SLIT2: variants seen among roughly 807,000 people sequenced by gnomAD.
The protein encoded by SLIT2 is slit homolog 2 protein.
In SLIT2, 41 loss-of-function variants were observed where a neutral mutation model predicts 185.7. That is an observed-to-expected ratio of 0.22 (90% CI 0.17 to 0.29). SLIT2 has a LOEUF of 0.29. Ranked by LOEUF, SLIT2 falls within the 10% of genes least tolerant of loss-of-function variation. The pLI is 1.00. For synonymous variants in SLIT2, 693 were observed against 680.2 expected, an observed-to-expected ratio of 1.02 and a Z score of -0.29; for missense variants, 1,571 against 1,909.0, an observed-to-expected ratio of 0.82 and a Z score of 3.30.
rs138960862 is a variant in SLIT2, at chr4:20,485,169, C to T, written c.540-1031C>T. 6.7e-3 allele frequency among the ~76,000 whole-genome samples: 1,020 copies of T among 152,212 alleles called. 7 individuals are homozygous for T. The highest frequency in any genetic ancestry group is 0.014 in the Middle Eastern group (4 of 294). On this transcript the variant is annotated intron_variant, in intron 6 of 36. Transcript: ENST00000504154. ...GTCTACACTTTACTTGTATACCCCC[C>T]GGGATAACTTCTACCACTTTCTTAT...
intron 3 of SLIT2, among the ~76,000 whole-genome samples, chr4:20,261,872 G>A (rs1165961223): frequency 2.0e-5 from 3 of 151,724 alleles, no homozygotes; most frequent in African/African-American, 7.3e-5. Flanking sequence ...CATGTGGAGT[G>A]TTCATCTTTT....
intron 5 of SLIT2, among the ~76,000 whole-genome samples, chr4:20,472,540 C>A (rs13353652): frequency 0.013 from 119 of 9,458 alleles, 29 homozygotes; most frequent in Admixed American, 0.033. Context: ...ATAGATATAT[C>A]TATATCTATA....
At chr4:20,507,569 A>G (rs1719325753) in intron 9 of SLIT2, among the ~76,000 whole-genome samples, 1 of 151,778 alleles carries the variant, frequency 6.6e-6, no homozygotes, top group Non-Finnish European at 1.5e-5. Flanking sequence ...AACTTTCACA[A>G]ATGTATGAAC....
At chr4:20,333,353 A>T (rs564945955) in intron 4 of SLIT2, among the ~76,000 whole-genome samples, 2 of 152,342 alleles carry the variant, frequency 1.3e-5, no homozygotes, top group Admixed American at 1.3e-4. Context: ...ATCTCAAGAT[A>T]GAATTCAATT....
intron 4 of SLIT2, among the ~76,000 whole-genome samples, chr4:20,277,245 G>T (rs1287976886): frequency 1.3e-5 from 2 of 152,064 alleles, no homozygotes; most frequent in African/African-American, 4.8e-5. Flanking sequence ...AGCTTTTATT[G>T]TTGGTTTCCT....
chr4:20,441,308 T>C (rs934348738), intron 4 of SLIT2, among the ~76,000 whole-genome samples: 2 of 152,224 alleles, frequency 1.3e-5, no homozygotes, highest in Admixed American at 1.3e-4. Flanking sequence ...TACTGTTTTC[T>C]TAACATCAAA....
chr4:20,308,422 T>G (rs1466162662), intron 4 of SLIT2, among the ~76,000 whole-genome samples: 1 of 152,188 alleles, frequency 6.6e-6, no homozygotes, highest in Non-Finnish European at 1.5e-5. Flanking sequence ...GAGAAGTGAT[T>G]TATACTGCAG....
intron 4 of SLIT2, among the ~76,000 whole-genome samples, chr4:20,452,941 C>G (rs961641026): frequency 1.3e-5 from 2 of 152,118 alleles, no homozygotes; most frequent in African/African-American, 4.8e-5. Flanking sequence ...AATTTAAAAC[C>G]AGAAGTTGCC....
At chr4:20,473,264 T>C (rs983967679) in intron 5 of SLIT2, among the ~76,000 whole-genome samples, 2 of 151,982 alleles carry the variant, frequency 1.3e-5, no homozygotes, top group African/African-American at 2.4e-5. Context: ...TCATGAGTCT[T>C]ATAATCCTTT....
chr4:20,568,206 A>T (rs1725264718), intron 28 of SLIT2, among the ~76,000 whole-genome samples: 1 of 152,078 alleles, frequency 6.6e-6, no homozygotes, highest in African/African-American at 2.4e-5. Flanking sequence ...TATACTACTA[A>T]AACTTGTTAG....
At chr4:20,482,630 A>C (rs1264224185) in intron 6 of SLIT2, among the ~76,000 whole-genome samples, 5 of 151,986 alleles carry the variant, frequency 3.3e-5, no homozygotes, top group Admixed American at 3.3e-4. Flanking sequence ...GGTTCATGGA[A>C]TTAAAATAGA....
At chr4:20,519,055 C>G (rs949388938) in intron 11 of SLIT2, among the ~76,000 whole-genome samples, 1 of 152,056 alleles carries the variant, frequency 6.6e-6, no homozygotes, top group African/African-American at 2.4e-5. Flanking sequence ...ATAGTGTGCT[C>G]TCATTACATA....
chr4:20,617,453 C>G lies in SLIT2; in HGVS notation c.4151C>G (p.Thr1384Ser). ...PCLGNKCVHGTCLPINAFSYS... is the reference protein window; with the variant it reads ...PCLGNKCVHGSCLPINAFSYS... ...CCTCCCTGTAGATGCGTACATGGCACCTGCTTGCCCATCAATGCGTTCTCC... is the reference window on the plus strand; with the variant it reads ...CCTCCCTGTAGATGCGTACATGGCAGCTGCTTGCCCATCAATGCGTTCTCC... Residue 1384 changes from threonine (T) to serine (S), a missense_variant, in exon 36 of 37, where the codon ACC (threonine) becomes AGC (serine). Physicochemically the swap from Thr to Ser is moderately conservative, Grantham distance 58 (BLOSUM62 1). Coordinates refer to ENST00000504154, the MANE Select transcript of SLIT2 (RefSeq NM_004787.4). 6.2e-7 allele frequency: 1 copy of G among 1,614,098 alleles called. No homozygotes were observed. Among genetic ancestry groups the G allele is most frequent in the Non-Finnish European group, 8.5e-7 (1 of 1,179,986 alleles).
At position 20,548,516 on chromosome 4, in the gene SLIT2, C is replaced by T; in HGVS notation, c.2374C>T (p.Leu792Phe). 1 of 1,606,222 alleles carries T rather than the reference C, an allele frequency of 6.2e-7. No homozygotes were observed. The change falls in exon 23 of 37, where the codon CTT becomes TTT. Residue 792 changes from leucine (L) to phenylalanine (F), a missense_variant. This residue lies in a region of SLIT2 where 1,202 missense variants were observed against 1,416.4 expected (regional missense o/e 0.85). Coordinates refer to ENST00000504154, the MANE Select transcript of SLIT2 (RefSeq NM_004787.4). ...IDLSNNRIST[L>F]SNQSFSNMTQ... ...CTTAAGTAACAACAGAATAAGCACG[C>T]TTTCTAATCAGAGCTTCAGCAACAT...
intron 12 of SLIT2, among the ~76,000 whole-genome samples, chr4:20,523,363 T>A (rs1274963646): frequency 6.6e-6 from 1 of 152,202 alleles, no homozygotes; most frequent in African/African-American, 2.4e-5. Flanking sequence ...CACTAGCTAC[T>A]GTTTTGAGAA....
At chr4:20,545,955 G>C (rs12501870) in intron 21 of SLIT2, 76 bp from the exon 22 acceptor site, 213,206 of 759,726 alleles carry the variant, frequency 0.28, 33,038 homozygotes, top group Non-Finnish European at 0.32. Context: ...TCAGTTAAGA[G>C]TGAAGTACTG....
rs191166390 is a variant in SLIT2, at chr4:20,297,448, G to A, written c.395+28567G>A. 9.9e-4 allele frequency among the ~76,000 whole-genome samples: 150 copies of A among 152,212 alleles called. 2 individuals are homozygous for A. The highest frequency in any genetic ancestry group is 3.5e-3 in the African/African-American group (145 of 41,538). ...CCTTCCACTTGAATGCTAAGAACTT[G>A]GATGTTTTGAATGAGCTATTCGCCA... is the stretch of plus-strand genomic sequence containing the variant. On this transcript the variant is annotated intron_variant, in intron 4 of 36. Transcript: ENST00000504154.
chr4:20,432,614 C>T (rs2109506578), intron 4 of SLIT2, among the ~76,000 whole-genome samples: 1 of 151,696 alleles, frequency 6.6e-6, no homozygotes, highest in South Asian at 2.1e-4. Context: ...TTCCTGGACC[C>T]TGAGTATCCT....
At chr4:20,585,784 A>T (rs186990137) in intron 29 of SLIT2, among the ~76,000 whole-genome samples, 1 of 152,136 alleles carries the variant, frequency 6.6e-6, no homozygotes, top group Non-Finnish European at 1.5e-5. Flanking sequence ...TTATCTCAGG[A>T]CCTGAGCCAT....
Sources: gnomAD v4.1 joint callset for allele counts (sites outside exome capture counted in the v4.1 genomes callset) on GRCh38, gnomAD v4.1.1 for gene constraint, gnomAD v4.1.1 regional missense constraint, MANE v1.5 for transcripts, NCBI Gene and HGNC (gene_info 2026-07-23, HGNC 2026-07-21) for gene names.